Variants in FNIP1 observed in about 807,000 individuals in gnomAD.
FNIP1 encodes the protein folliculin interacting protein 1.
FNIP1 carries 40 observed loss-of-function variants against 124.5 expected under a neutral mutation model. The observed-to-expected ratio is 0.32, with a 90% CI of 0.25 to 0.42. The LOEUF (loss-of-function observed/expected upper bound fraction) is 0.42. Ranked by LOEUF, FNIP1 falls within the 10% of genes least tolerant of loss-of-function variation. The pLI, the probability that FNIP1 is intolerant of heterozygous loss-of-function variation, is 1.00. For synonymous variants in FNIP1, 472 were observed against 470.6 expected (o/e 1.00, Z -0.04); for missense variants, 1,176 against 1,403.7 (o/e 0.84, Z 2.59).
intron 13 of FNIP1, among the ~76,000 whole-genome samples, chr5:131,674,398 A>G (rs1333405274): frequency 6.6e-6 from 1 of 152,112 alleles, no homozygotes; most frequent in Non-Finnish European, 1.5e-5. Flanking sequence ...TTCAAATTAA[A>G]CCAGTAATTT....
At chr5:131,664,803 A>G (rs1767546129) in intron 15 of FNIP1, among the ~76,000 whole-genome samples, 1 of 151,338 alleles carries the variant, frequency 6.6e-6, no homozygotes, top group South Asian at 2.1e-4. Flanking sequence ...TTTAAAACAG[A>G]TAATATAAAA....
intron 1 of FNIP1, chr5:131,795,700 G>A (rs1772563470): frequency 6.6e-6 from 1 of 152,214 alleles, no homozygotes; most frequent in African/African-American, 2.4e-5. Flanking sequence ...TTCCTGATGA[G>A]ACCTGCATTA....
intron 1 of FNIP1, among the ~76,000 whole-genome samples, chr5:131,777,569 T>C (rs1771853382): frequency 6.6e-6 from 1 of 152,016 alleles, no homozygotes; most frequent in Non-Finnish European, 1.5e-5. Context: ...CTGAATCAAA[T>C]ACTAAAAAAA....
chr5:131,738,704 C>T (rs1478798237), intron 2 of FNIP1, among the ~76,000 whole-genome samples: 1 of 151,948 alleles, frequency 6.6e-6, no homozygotes, highest in Non-Finnish European at 1.5e-5. Flanking sequence ...CGGGGTTTCA[C>T]CACGTTGGCC....
intron 1 of FNIP1, among the ~76,000 whole-genome samples, chr5:131,788,463 G>T (rs1049431649): frequency 6.6e-6 from 1 of 152,110 alleles, no homozygotes; most frequent in Non-Finnish European, 1.5e-5. Flanking sequence ...GAGGTCAGGC[G>T]TTTGAGATCA....
chr5:131,792,220 G>C (rs1325098916), intron 1 of FNIP1, among the ~76,000 whole-genome samples: 1 of 150,914 alleles, frequency 6.6e-6, no homozygotes, highest in African/African-American at 2.4e-5. Flanking sequence ...GAGTGCAATG[G>C]CGCGATCTCA....
intron 2 of FNIP1, among the ~76,000 whole-genome samples, chr5:131,735,454 A>ATTTTATATATATTT (rs375863638): frequency 2.2e-4 from 33 of 147,480 alleles, no homozygotes; most frequent in Admixed American, 1.5e-3. Flanking sequence ...AACTTAAAGT[A>ATTTTATATATATTT]TTTTATATAT....
At chr5:131,712,407 C>G (rs1294626439) in intron 6 of FNIP1, among the ~76,000 whole-genome samples, 2 of 151,828 alleles carry the variant, frequency 1.3e-5, no homozygotes, top group African/African-American at 4.8e-5. Flanking sequence ...TCCAAGGACC[C>G]GTTGGGTCCC....
chr5:131,660,569 C>A (rs1411179552), intron 15 of FNIP1, among the ~76,000 whole-genome samples: 1 of 152,150 alleles, frequency 6.6e-6, no homozygotes, highest in Non-Finnish European at 1.5e-5. Flanking sequence ...GCCACCGCAC[C>A]CCTTTCCCCA....
At chr5:131,667,480 G>A (rs2149512789) in intron 15 of FNIP1, among the ~76,000 whole-genome samples, 1 of 152,270 alleles carries the variant, frequency 6.6e-6, no homozygotes, top group East Asian at 1.9e-4. Context: ...AGACACAGAA[G>A]GTTTAAACCT....
intron 1 of FNIP1, among the ~76,000 whole-genome samples, chr5:131,754,466 A>C (rs1770979570): frequency 6.6e-6 from 1 of 152,268 alleles, no homozygotes; most frequent in South Asian, 2.1e-4. Flanking sequence ...AGCTGGGTTT[A>C]GATTCCAGGC....
chr5:131,729,001 T>C lies in FNIP1; in HGVS notation c.354+1903A>G, dbSNP rs545704234. Among the ~76,000 whole-genome samples the C allele has an allele frequency of 3.9e-5, 6 of 152,272 alleles. No individual in the cohort carries two copies. The South Asian group carries it at 1.2e-3, about 32-fold the overall frequency. ...ACTCCAGTCCCTGTTTGCCTGGGTATCACCACTGGAGGCTGCAGAACAGCA... is the reference window on the plus strand; with the variant it reads ...ACTCCAGTCCCTGTTTGCCTGGGTACCACCACTGGAGGCTGCAGAACAGCA... On this transcript the variant is annotated intron_variant, in intron 3 of 17. Transcript: ENST00000510461.
rs1375369214 is a variant in FNIP1, at chr5:131,677,885, T to C, written c.1350-13A>G. The C allele has an allele frequency of 1.2e-6, 2 of 1,611,622 alleles. No individual in the cohort carries two copies. Among genetic ancestry groups the C allele is most frequent in the Non-Finnish European group, 8.5e-7 (1 of 1,178,580 alleles). ...AGCTGGCAAGAATCTGAAAACAAAA[T>C]ACATCTGATCAGATTCCAATCAGTC... On this transcript the variant is annotated splice_polypyrimidine_tract_variant and intron_variant, in intron 12 of 17. Coordinates refer to ENST00000510461, the MANE Select transcript of FNIP1 (RefSeq NM_133372.3).
At chr5:131,786,080 T>C (rs77133177) in intron 1 of FNIP1, among the ~76,000 whole-genome samples, 23 of 152,300 alleles carry the variant, frequency 1.5e-4, no homozygotes, top group African/African-American at 5.5e-4. Flanking sequence ...TTTAAATTGA[T>C]AAACAATGAT....
chr5:131,651,930 G>A lies in FNIP1; in HGVS notation c.3178C>T (p.Gln1060Ter). The change falls in exon 16 of 18, where the codon CAA becomes TAA. Residue 1060 changes from glutamine (Q) to a stop codon, truncating the protein, a stop_gained. Coordinates refer to ENST00000510461, the MANE Select transcript of FNIP1 (RefSeq NM_133372.3). LOFTEE classifies it high-confidence loss of function. ...IIADMDKWTV[Q>*]VASSQRRVTD... ...ACTCGTCTCTGGCTACTGGCCACTT[G>A]AACAGTCCATTTATCCATGTCAGCT... The A allele has an allele frequency of 6.2e-7, 1 of 1,614,040 alleles. No individual in the cohort carries two copies. The highest frequency in any genetic ancestry group is 8.5e-7 in the Non-Finnish European group (1 of 1,180,008).
chr5:131,787,081 C>T (rs1772241496), intron 1 of FNIP1, among the ~76,000 whole-genome samples: 1 of 152,192 alleles, frequency 6.6e-6, no homozygotes, highest in African/African-American at 2.4e-5. Flanking sequence ...GACCTCACTA[C>T]TAGCTCCAGA....
intron 3 of FNIP1, among the ~76,000 whole-genome samples, chr5:131,720,122 AAACAGTAAG>A (rs566512822): frequency 6.6e-6 from 1 of 152,346 alleles, no homozygotes; most frequent in South Asian, 2.1e-4. Flanking sequence ...ACAGTAGTGA[AAACAGTAAG>A]GTACTGACAT....
chr5:131,672,100 T>C lies in FNIP1; in HGVS notation c.2344A>G (p.Lys782Glu). The C allele has an allele frequency of 2.5e-6, 4 of 1,614,220 alleles. No homozygotes were observed. In the South Asian group the frequency reaches 4.4e-5, roughly 18 times the overall value. ...VVDQITRHHT[K>E]PLKEERGAID... ...GCCCCTCTTTCTTCCTTCAATGGTT[T>C]GGTGTGATGTCTGGTAATCTGATCC... Residue 782 changes from lysine (K) to glutamate (E), a missense_variant, in exon 14 of 18, where the codon AAA becomes GAA. Transcript: ENST00000510461.
At chr5:131,791,858 A>T (rs1445264480) in intron 1 of FNIP1, among the ~76,000 whole-genome samples, 2 of 139,498 alleles carry the variant, frequency 1.4e-5, no homozygotes, top group African/African-American at 5.0e-5. Context: ...TGGCTTTTTT[A>T]AAAAATGTCA....
Sources: allele counts gnomAD v4.1 joint callset (sites outside exome capture counted in the v4.1 genomes callset), GRCh38; gene constraint gnomAD v4.1.1; transcripts MANE v1.5; gene names NCBI Gene and HGNC (gene_info 2026-07-23, HGNC 2026-07-21).